Variants in PPP1R3A observed in about 807,000 individuals in gnomAD.
The protein encoded by PPP1R3A is protein phosphatase 1 regulatory subunit 3A.
In PPP1R3A, 29 loss-of-function variants were observed where a neutral mutation model predicts 41.7. That is an observed-to-expected ratio of 0.70 (90% CI 0.52 to 0.95). PPP1R3A has a LOEUF of 0.95. Among genes scored for constraint, PPP1R3A ranks in the 40% least tolerant of loss-of-function variants. The pLI is 0.00. For synonymous variants in PPP1R3A, 485 were observed against 453.4 expected (o/e 1.07, Z -0.89); for missense variants, 1,352 against 1,292.4 (o/e 1.05, Z -0.71).
At chr7:113,906,146 T>C (rs1430002631) in intron 1 of PPP1R3A, among the ~76,000 whole-genome samples, 3 of 151,792 alleles carry the variant, frequency 2.0e-5, no homozygotes. Flanking sequence ...TCTTTGTAAC[T>C]GAAAGAAACC....
Position 113,879,735 on chromosome 7 carries a change from T to C in PPP1R3A, c.1357A>G (p.Ile453Val), listed in dbSNP as rs755105551. ...NPAHGNGTVQ[I>V]PCPSSDQLMA... ...AGTTGATCTGAAGAGGGGCAAGGTA[T>C]TTGCACTGTGCCATTGCCATGGGCT... is the stretch of plus-strand genomic sequence containing the variant. The change falls in exon 4 of 4, where the codon ATA becomes GTA. Residue 453 changes from isoleucine (I) to valine (V), a missense_variant. Coordinates refer to ENST00000284601, the MANE Select transcript of PPP1R3A (RefSeq NM_002711.4). 1.2e-6 allele frequency: 2 copies of C among 1,613,354 alleles called. No individual in the cohort carries two copies. The highest frequency in any genetic ancestry group is 1.7e-6 in the Non-Finnish European group (2 of 1,179,694).
chr7:113,910,376 T>A (rs1222193777), intron 1 of PPP1R3A, among the ~76,000 whole-genome samples: 1 of 151,998 alleles, frequency 6.6e-6, no homozygotes, highest in Non-Finnish European at 1.5e-5. Flanking sequence ...TGTTCAGAAA[T>A]CAAGTACTGT....
chr7:113,915,440 A>G (rs1408655612), intron 1 of PPP1R3A, among the ~76,000 whole-genome samples: 1 of 151,788 alleles, frequency 6.6e-6, no homozygotes, highest in African/African-American at 2.4e-5. Context: ...GTTATTCTCT[A>G]CACTAGGGCA....
intron 3 of PPP1R3A, among the ~76,000 whole-genome samples, chr7:113,881,011 C>A (rs1419868344): frequency 6.6e-6 from 1 of 152,016 alleles, no homozygotes; most frequent in Non-Finnish European, 1.5e-5. Flanking sequence ...ATATTTGAGC[C>A]TGCTCATCGT....
At chr7:113,915,968 G>T (rs1360417513) in intron 1 of PPP1R3A, among the ~76,000 whole-genome samples, 1 of 151,878 alleles carries the variant, frequency 6.6e-6, no homozygotes, top group Non-Finnish European at 1.5e-5. Context: ...ATTATATCAT[G>T]GAAAAGCTGT....
At chr7:113,908,943 T>C (rs1197445287) in intron 1 of PPP1R3A, among the ~76,000 whole-genome samples, 1 of 151,654 alleles carries the variant, frequency 6.6e-6, no homozygotes, top group Non-Finnish European at 1.5e-5. Flanking sequence ...AAATAATTGG[T>C]ATATATGGCC....
intron 1 of PPP1R3A, among the ~76,000 whole-genome samples, chr7:113,900,025 T>A (rs926544912): frequency 6.6e-6 from 1 of 151,544 alleles, no homozygotes; most frequent in African/African-American, 2.4e-5. Flanking sequence ...TTTTCACTCA[T>A]GAGGATTACC....
rs556214826 is a variant in PPP1R3A at position 113,900,637 on chromosome 7, CAT to C, written c.782+17576_782+17577del. On this transcript the variant is annotated intron_variant, in intron 1 of 3. Coordinates refer to ENST00000284601, the MANE Select transcript of PPP1R3A (RefSeq NM_002711.4). ...TATGTATATATTATTGTATATATGA[CAT>C]ATCAAAAATGTATATTTACATATTA... Among the ~76,000 whole-genome samples, 9 of 148,020 alleles carry C rather than the reference CAT, an allele frequency of 6.1e-5. No individual in the cohort carries two copies. In the South Asian group the frequency reaches 1.9e-3, roughly 31 times the overall value.
chr7:113,901,844 A>G (rs1430792132), intron 1 of PPP1R3A, among the ~76,000 whole-genome samples: 4 of 151,852 alleles, frequency 2.6e-5, no homozygotes, highest in Non-Finnish European at 5.9e-5. Flanking sequence ...CTGCATTGTC[A>G]CAATGGAGAT....
chr7:113,888,848 C>T (rs1441776060), intron 1 of PPP1R3A, among the ~76,000 whole-genome samples: 1 of 152,178 alleles, frequency 6.6e-6, no homozygotes, highest in East Asian at 1.9e-4. Flanking sequence ...CCCCCTGGGG[C>T]ATTCTACCAG....
At position 113,880,036 on chromosome 7, in the gene PPP1R3A, T is replaced by C; in HGVS notation, c.1056A>G (p.Lys352=). ...TTTGCTTCTTCTCTAACCCCTCTGC[T>C]TTATTTGGAAAATTGACTGGATCTG... The part of the protein sequence containing the change: ...FSTDPVNFPN[K]AEGLEKKQIH... The change falls in exon 4 of 4, where the codon AAA becomes AAG. Residue 352 remains lysine, a synonymous_variant. Coordinates refer to ENST00000284601, the MANE Select transcript of PPP1R3A (RefSeq NM_002711.4). The C allele has an allele frequency of 6.2e-7, 1 of 1,611,328 alleles. No homozygotes were observed. Among genetic ancestry groups the C allele is most frequent in the South Asian group, 1.1e-5 (1 of 91,028 alleles).
intron 1 of PPP1R3A, among the ~76,000 whole-genome samples, chr7:113,895,956 A>C (rs1213105415): frequency 6.6e-6 from 1 of 151,928 alleles, no homozygotes; most frequent in Non-Finnish European, 1.5e-5. Flanking sequence ...GAGAGGATAT[A>C]TTTATAAAGC....
At chr7:113,883,233 C>T (rs1308832014) in intron 1 of PPP1R3A, among the ~76,000 whole-genome samples, 1 of 151,942 alleles carries the variant, frequency 6.6e-6, no homozygotes, top group East Asian at 1.9e-4. Context: ...TTCTTATACT[C>T]TCTCAACTGA....
intron 1 of PPP1R3A, among the ~76,000 whole-genome samples, chr7:113,885,149 G>T (rs1796761376): frequency 1.3e-5 from 2 of 152,008 alleles, no homozygotes; most frequent in South Asian, 4.1e-4. Context: ...CACCTCCCAG[G>T]TTCCTGTGCC....
rs1249777703 is a variant in PPP1R3A, at chr7:113,880,007, T to C, written c.1085A>G (p.His362Arg). Residue 362 changes from histidine to arginine, a missense_variant, in exon 4 of 4, where the codon CAT (histidine) becomes CGT (arginine). Physicochemically the swap from His to Arg is conservative, Grantham distance 29 (BLOSUM62 0). Coordinates refer to ENST00000284601, the MANE Select transcript of PPP1R3A (RefSeq NM_002711.4). ...GAACAAGTCAGTACATATTTCACCA[T>C]GGATTTGCTTCTTCTCTAACCCCTC... ...KAEGLEKKQI[H>R]GEICTDLFQR... 3 of 1,612,624 alleles carry C rather than the reference T, an allele frequency of 1.9e-6. No homozygotes were observed. The highest frequency in any genetic ancestry group is 3.3e-4 in the Middle Eastern group (2 of 6,054).
At position 113,877,750 on chromosome 7, in the gene PPP1R3A, T is replaced by C; in HGVS notation, c.3342A>G (p.Arg1114=). Residue 1114 remains arginine, a synonymous_variant, in exon 4 of 4, where the codon AGA becomes AGG. Coordinates refer to ENST00000284601, the MANE Select transcript of PPP1R3A (RefSeq NM_002711.4). The part of the protein sequence containing the change: ...SLSWLSWEEG[R]QKESVKKK ...ACTTCTTTTTGACAGACTCTTTTTGTCTACCCTCTTCCCAGGATAGCCAGG... is the reference window on the plus strand; with the variant it reads ...ACTTCTTTTTGACAGACTCTTTTTGCCTACCCTCTTCCCAGGATAGCCAGG... 6.4e-7 allele frequency: 1 copy of C among 1,572,138 alleles called. No homozygotes were observed. Among genetic ancestry groups the C allele is most frequent in the Non-Finnish European group, 8.6e-7 (1 of 1,161,148 alleles).
chr7:113,877,796 G>C lies in PPP1R3A; in HGVS notation c.3296C>G (p.Thr1099Arg). Residue 1099 changes from threonine (T) to arginine (R), a missense_variant, in exon 4 of 4, where the codon ACA (threonine) becomes AGA (arginine). Thr to Arg is a moderately conservative substitution (Grantham distance 71). Transcript: ENST00000284601. ...VYHYDLMIGLTFYVLSLSWLS... is the reference protein window; with the variant it reads ...VYHYDLMIGLRFYVLSLSWLS... ...CCAGGACAATGACAAAACGTAGAATGTCAAGCCAATCATTAAGTCATAATG... is the reference window on the plus strand; with the variant it reads ...CCAGGACAATGACAAAACGTAGAATCTCAAGCCAATCATTAAGTCATAATG... 2 of 1,606,400 alleles carry C rather than the reference G, an allele frequency of 1.2e-6. No homozygotes were observed. The highest frequency in any genetic ancestry group is 1.7e-6 in the Non-Finnish European group (2 of 1,174,970).
At chr7:113,883,364 C>T (rs934763479) in intron 1 of PPP1R3A, among the ~76,000 whole-genome samples, 1 of 151,872 alleles carries the variant, frequency 6.6e-6, no homozygotes, top group African/African-American at 2.4e-5. Context: ...CAATTCTGAT[C>T]CAAATCCCAG....
At position 113,918,810 on chromosome 7, in the gene PPP1R3A, T is replaced by G; in HGVS notation, c.187A>C (p.Arg63=). ...YLDTPSSGTR[R]VSFADSFGFN... Reference sequence around the variant, plus strand: ...CCAAAGGAATCAGCAAATGAAACTCTTCTAGTACCTGAAGATGGGGTATCC... The same window carrying G: ...CCAAAGGAATCAGCAAATGAAACTCGTCTAGTACCTGAAGATGGGGTATCC... The change falls in exon 1 of 4, where the codon AGA becomes CGA. Residue 63 remains arginine, a synonymous_variant. Transcript: ENST00000284601. 1.2e-6 allele frequency: 2 copies of G among 1,613,812 alleles called. No individual in the cohort carries two copies. Among genetic ancestry groups the G allele is most frequent in the Non-Finnish European group, 1.7e-6 (2 of 1,179,772 alleles).
Sources: allele counts gnomAD v4.1 joint callset (sites outside exome capture counted in the v4.1 genomes callset), GRCh38; gene constraint gnomAD v4.1.1; transcripts MANE v1.5; gene names NCBI Gene and HGNC (gene_info 2026-07-23, HGNC 2026-07-21).